ST13: variants seen among roughly 807,000 people sequenced by gnomAD.
ST13 encodes hsc70-interacting protein.
In ST13, 23 loss-of-function variants were observed where a neutral mutation model predicts 56.7. The observed-to-expected ratio is 0.41, with a 90% CI of 0.29 to 0.57. The LOEUF is 0.57. Ranked by LOEUF, ST13 falls within the 20% of genes least tolerant of loss-of-function variation. The pLI is 0.36. For synonymous variants in ST13, 132 were observed against 142.4 expected (o/e 0.93, Z 0.52); for missense variants, 369 against 459.9 (o/e 0.80, Z 1.81).
At chr22:40,842,301 C>A (rs1601468130) in intron 4 of ST13, among the ~76,000 whole-genome samples, 1 of 152,094 alleles carries the variant, frequency 6.6e-6, no homozygotes, top group Non-Finnish European at 1.5e-5. Context: ...ATATCACACA[C>A]AACACACAAA....
intron 11 of ST13, 140 bp downstream of exon 11, chr22:40,826,956 A>T (rs539814817): frequency 2.3e-5 from 24 of 1,036,316 alleles, no homozygotes; most frequent in Middle Eastern, 3.3e-4. Flanking sequence ...AAAGAAAATA[A>T]ATGTCACTCT....
rs1026354559 is a variant in ST13 at position 40,826,437 on chromosome 22, G to A, written c.*101C>T. 1 of 1,262,776 alleles carries A rather than the reference G, an allele frequency of 7.9e-7. No individual in the cohort carries two copies. Among genetic ancestry groups the A allele is most frequent in the African/African-American group, 1.5e-5 (1 of 67,354 alleles). 78.2% of individuals were successfully genotyped at this position (1,262,776 alleles called of 1,614,324 possible). A position where few individuals can be genotyped will look rare whatever the true frequency, so the allele number is the denominator to read the frequency against. On this transcript the variant is annotated 3_prime_UTR_variant, in exon 12 of 12. Transcript: ENST00000216218. Reference sequence around the variant, plus strand: ...ATCTTCAAAGCACCCCAGCTCTCTTGATGAGAAGGTCAGAGGTACACTGGT... The same window carrying A: ...ATCTTCAAAGCACCCCAGCTCTCTTAATGAGAAGGTCAGAGGTACACTGGT...
chr22:40,840,402 T>C (rs1010243919), intron 5 of ST13, among the ~76,000 whole-genome samples: 2 of 151,328 alleles, frequency 1.3e-5, no homozygotes, highest in African/African-American at 4.9e-5. Context: ...AACACCACGA[T>C]AGGGTCAGGA....
chr22:40,840,082 G>A (rs1047497576), intron 5 of ST13, among the ~76,000 whole-genome samples: 4 of 152,162 alleles, frequency 2.6e-5, no homozygotes, highest in Admixed American at 6.5e-5. Flanking sequence ...CCCGGGAGGC[G>A]GAGGTTGTAG....
intron 8 of ST13, among the ~76,000 whole-genome samples, chr22:40,831,325 G>A (rs898097049): frequency 6.6e-6 from 1 of 152,158 alleles, no homozygotes; most frequent in Non-Finnish European, 1.5e-5. Context: ...GTATTATTAC[G>A]GATGTCTGCC....
chr22:40,850,336 T>C (rs191381181), intron 2 of ST13, among the ~76,000 whole-genome samples: 1 of 152,348 alleles, frequency 6.6e-6, no homozygotes, highest in East Asian at 1.9e-4. Context: ...CAACTTCAGC[T>C]ACTGGTAACC....
chr22:40,851,234 T>C (rs1199008122), intron 1 of ST13, among the ~76,000 whole-genome samples: 3 of 152,246 alleles, frequency 2.0e-5, no homozygotes, highest in Non-Finnish European at 4.4e-5. Context: ...ACTCAGTAGG[T>C]ATATCTGAAT....
chr22:40,832,730 G>T, intron 7 of ST13, 59 bp from the exon 8 acceptor site: 1 of 1,259,672 alleles, frequency 7.9e-7, no homozygotes, highest in Non-Finnish European at 1.1e-6. Flanking sequence ...TATGTGGCAT[G>T]ATATCTTTCT....
rs916806309 is a variant in ST13 at position 40,826,066 on chromosome 22, TAA to T, written c.*470_*471del. ...TCTTTAAAGAAAAAGATAAAGCATT[TAA>T]AAAGACAAGTCAAAATGCATCAGGA... is the stretch of plus-strand genomic sequence containing the variant. On this transcript the variant is annotated 3_prime_UTR_variant, in exon 12 of 12. Coordinates refer to ENST00000216218, the MANE Select transcript of ST13 (RefSeq NM_003932.5). The T allele has an allele frequency of 1.3e-5, 2 of 152,742 alleles. No homozygotes were observed. The highest frequency in any genetic ancestry group is 4.8e-5 in the African/African-American group (2 of 41,444). The allele number at this position is 152,742 out of a possible 1,614,324, so 9.5% of individuals were successfully genotyped here.
At chr22:40,835,970 C>T (rs2057775410) in intron 5 of ST13, 83 bp from the exon 6 acceptor site, 15 of 1,075,846 alleles carry the variant, frequency 1.4e-5, no homozygotes, top group Non-Finnish European at 2.0e-5. Context: ...CCAGTTAAGT[C>T]TTTTACATTT....
intron 1 of ST13, among the ~76,000 whole-genome samples, chr22:40,855,886 A>G (rs944987528): frequency 6.6e-6 from 1 of 152,152 alleles, no homozygotes; most frequent in Admixed American, 6.5e-5. Flanking sequence ...TAACGGAGGT[A>G]TAATAAGTGA....
At chr22:40,833,805 G>A (rs1415967005) in intron 7 of ST13, among the ~76,000 whole-genome samples, 1 of 152,032 alleles carries the variant, frequency 6.6e-6, no homozygotes, top group Non-Finnish European at 1.5e-5. Flanking sequence ...CGGGGCGGGT[G>A]CAGTGAGCCA....
chr22:40,856,570 G>C lies in ST13; in HGVS notation c.-30C>G, dbSNP rs765436464. 3.8e-6 allele frequency: 6 copies of C among 1,585,516 alleles called. No homozygotes were observed. The highest frequency in any genetic ancestry group is 1.3e-5 in the African/African-American group (1 of 74,330). On this transcript the variant is annotated 5_prime_UTR_variant, in exon 1 of 12. Coordinates refer to ENST00000216218, the MANE Select transcript of ST13 (RefSeq NM_003932.5). ...GGGAGGTGGTGGGCGAAACTGGGGG[G>C]GCTACGGCCCGGTTCCAGGCCCAGG...
At position 40,848,334 on chromosome 22, in the gene ST13, G is replaced by A. The variant is rs777058145; in HGVS notation, c.204C>T (p.Asp68=). 3.7e-6 allele frequency: 6 copies of A among 1,613,354 alleles called. No individual in the cohort carries two copies. The highest frequency in any genetic ancestry group is 5.1e-6 in the Non-Finnish European group (6 of 1,179,626). ...EKPDSKKVEE[D]LKADEPSSEE... is the part of the protein sequence containing the mutation. The stretch of plus-strand genomic sequence containing the variant: ...CACTTGATGGTTCGTCTGCCTTTAA[G>A]TCTTCCTCCACCTTCTTACTATCAG... The change falls in exon 3 of 12, where the codon GAC becomes GAT. Residue 68 remains aspartate, a synonymous_variant. Coordinates refer to ENST00000216218, the MANE Select transcript of ST13 (RefSeq NM_003932.5).
At chr22:40,846,577 T>C (rs1462659941) in intron 3 of ST13, among the ~76,000 whole-genome samples, 1 of 152,242 alleles carries the variant, frequency 6.6e-6, no homozygotes, top group East Asian at 1.9e-4. Flanking sequence ...AAAAAATTTA[T>C]TGTAGTTTTA....
chr22:40,849,081 G>A (rs1477728972), intron 2 of ST13, among the ~76,000 whole-genome samples: 1 of 152,052 alleles, frequency 6.6e-6, no homozygotes, highest in East Asian at 1.9e-4. Context: ...ATTTAACAAC[G>A]CTGTGTATCT....
chr22:40,855,964 T>C (rs796169757), intron 1 of ST13, among the ~76,000 whole-genome samples: 24 of 152,344 alleles, frequency 1.6e-4, no homozygotes, highest in African/African-American at 5.3e-4. Context: ...TTTACAGTTA[T>C]CATTTTTATT....
At chr22:40,849,825 A>G (rs2057852111) in intron 2 of ST13, among the ~76,000 whole-genome samples, 1 of 152,032 alleles carries the variant, frequency 6.6e-6, no homozygotes, top group Non-Finnish European at 1.5e-5. Context: ...TTCCACTTTA[A>G]GATCCAAATA....
chr22:40,851,758 T>G (rs1333278713), intron 1 of ST13, among the ~76,000 whole-genome samples: 1 of 151,802 alleles, frequency 6.6e-6, no homozygotes, highest in Admixed American at 6.6e-5. Context: ...CTTTTTTTTT[T>G]TTTTTGAGAT....
Sources: gnomAD v4.1 joint callset for allele counts (sites outside exome capture counted in the v4.1 genomes callset) on GRCh38, gnomAD v4.1.1 for gene constraint, MANE v1.5 for transcripts, NCBI Gene and HGNC (gene_info 2026-07-23, HGNC 2026-07-21) for gene names.